Variants in DNAH3 observed in about 807,000 individuals in gnomAD.
DNAH3 encodes dynein axonemal heavy chain 3.
A neutral mutation model predicts 432.5 loss-of-function variants in DNAH3; 332 were observed. That is an observed-to-expected ratio of 0.77 (90% CI 0.70 to 0.84). DNAH3 has a LOEUF of 0.84. Among genes scored for constraint, DNAH3 ranks in the 40% least tolerant of loss-of-function variants. DNAH3 has a pLI of 0.00. For synonymous variants in DNAH3, 1,956 were observed against 1,900.2 expected, an observed-to-expected ratio of 1.03 and a Z score of -0.76; for missense variants, 4,861 against 5,114.0, an observed-to-expected ratio of 0.95 and a Z score of 1.51.
intron 52 of DNAH3, 102 bp downstream of exon 52, chr16:20,969,690 T>C: frequency 7.7e-7 from 1 of 1,304,136 alleles, no homozygotes; most frequent in Non-Finnish European, 1.1e-6. Context: ...CTCAGTGATC[T>C]TGCCTGCACG....
At chr16:20,968,941 C>T (rs1013647708) in intron 52 of DNAH3, among the ~76,000 whole-genome samples, 1 of 152,130 alleles carries the variant, frequency 6.6e-6, no homozygotes, top group African/African-American at 2.4e-5. Context: ...CTGCATCTCT[C>T]TGTCTCCATT....
Position 21,037,964 on chromosome 16 carries a change from C to T in DNAH3, c.4747G>A (p.Val1583Ile), listed in dbSNP as rs16970832. 8.7e-3 allele frequency: 14,109 copies of T among 1,613,950 alleles called. 1,064 individuals are homozygous for T. In the African/African-American group the frequency reaches 0.16, roughly 19 times the overall value. Residue 1583 changes from valine (V) to isoleucine (I), a missense_variant, in exon 34 of 62, where the codon GTT becomes ATT. Coordinates refer to ENST00000261383, the Ensembl canonical transcript of DNAH3. Reference sequence around the variant, plus strand: ...TCCGAGCACAGGCGGTAGGTCGCAACGATCTTCTGGGCGAGACTAGAAGGG... The same window carrying T: ...TCCGAGCACAGGCGGTAGGTCGCAATGATCTTCTGGGCGAGACTAGAAGGG...
rs1424717725 is a variant in DNAH3, at chr16:21,115,982, G to A, written c.1814+1221C>T. Among the ~76,000 whole-genome samples the A allele has an allele frequency of 2.6e-5, 4 of 151,952 alleles. No homozygotes were observed. In the East Asian group the frequency reaches 5.8e-4, roughly 22 times the overall value. On this transcript the variant is annotated intron_variant, in intron 12 of 61. Transcript: ENST00000261383. ...CTGTCACAACCAGGGGATTCCTGCC[G>A]GCATGCATAATTCCTACAAGGATTC...
exon 57 of DNAH3, chr16:20,948,530 G>A (rs1452238394): frequency 6.2e-7 from 1 of 1,613,934 alleles, no homozygotes; most frequent in African/African-American, 1.3e-5. Flanking sequence ...CCAGGAGCGA[G>A]GGAGTAATAG....
chr16:21,144,525 T>C (rs910401542), intron 3 of DNAH3, among the ~76,000 whole-genome samples: 5 of 152,078 alleles, frequency 3.3e-5, no homozygotes, highest in African/African-American at 1.2e-4. Context: ...TATGCCTTGA[T>C]TGTACGCTAG....
At chr16:20,968,109 T>C (rs35493812) in intron 52 of DNAH3, among the ~76,000 whole-genome samples, 15,993 of 152,188 alleles carry the variant, frequency 0.11, 1,092 homozygotes, top group Middle Eastern at 0.15. Flanking sequence ...CACTCTGTCA[T>C]ACAAGCTAAA....
At chr16:21,093,712 T>G (rs2091600835) in intron 18 of DNAH3, among the ~76,000 whole-genome samples, 1 of 152,202 alleles carries the variant, frequency 6.6e-6, no homozygotes, top group Admixed American at 6.5e-5. Context: ...TGATGTGGTA[T>G]CAGTGAAAGG....
intron 29 of DNAH3, among the ~76,000 whole-genome samples, chr16:21,050,692 C>T (rs2089919039): frequency 6.6e-6 from 1 of 152,230 alleles, no homozygotes; most frequent in Admixed American, 6.5e-5. Flanking sequence ...GATCCACCCA[C>T]CTTGGCCTTC....
At chr16:21,039,682 T>C (rs2089338251) in intron 33 of DNAH3, among the ~76,000 whole-genome samples, 170 bp downstream of exon 33, 1 of 152,122 alleles carries the variant, frequency 6.6e-6, no homozygotes, top group Non-Finnish European at 1.5e-5. Flanking sequence ...CCGTCAGAAA[T>C]GGGGCAAGAC....
intron 11 of DNAH3, among the ~76,000 whole-genome samples, chr16:21,117,811 G>C: frequency 6.6e-6 from 1 of 152,148 alleles, no homozygotes; most frequent in Non-Finnish European, 1.5e-5. Flanking sequence ...CTTGGCACTT[G>C]GTAAGTGCTC....
chr16:21,106,334 T>G (rs7205031), intron 15 of DNAH3, among the ~76,000 whole-genome samples, 156 bp downstream of exon 15: 37,142 of 152,034 alleles, frequency 0.24, 4,637 homozygotes, highest in East Asian at 0.31. Flanking sequence ...GCAGCTCTTT[T>G]ATATTTAGTG....
chr16:20,952,014 C>T (rs1346476081), intron 56 of DNAH3, among the ~76,000 whole-genome samples: 1 of 151,036 alleles, frequency 6.6e-6, no homozygotes, highest in African/African-American at 2.4e-5. Flanking sequence ...AAGTGCTGGG[C>T]TTACAGGCGT....
intron 41 of DNAH3, among the ~76,000 whole-genome samples, chr16:21,003,901 C>CA (rs1263811804): frequency 6.6e-6 from 1 of 152,058 alleles, no homozygotes; most frequent in Non-Finnish European, 1.5e-5. Flanking sequence ...TCTAGACACA[C>CA]AAACATACTG....
intron 5 of DNAH3, among the ~76,000 whole-genome samples, chr16:21,136,979 C>T (rs2092651887): frequency 6.6e-6 from 1 of 151,902 alleles, no homozygotes; most frequent in African/African-American, 2.4e-5. Flanking sequence ...CTACAAAATA[C>T]AAAAATTAGC....
At chr16:21,158,485 G>A (rs1340436139) in intron 1 of DNAH3, 1 of 152,398 alleles carries the variant, frequency 6.6e-6, no homozygotes, top group Non-Finnish European at 1.5e-5. Context: ...TTGTTCTAGT[G>A]GCTCCGAAAG....
At chr16:21,134,521 T>G (rs2092615619) in intron 6 of DNAH3, 67 bp from the exon 8 acceptor site, 1 of 1,454,606 alleles carries the variant, frequency 6.9e-7, no homozygotes. Context: ...CTTCAACTCA[T>G]TTAGTTTTGT....
At chr16:21,019,559 G>T (rs1427632854) in intron 41 of DNAH3, 65 bp downstream of exon 41, 1 of 1,576,810 alleles carries the variant, frequency 6.3e-7, no homozygotes, top group African/African-American at 1.4e-5. Context: ...TGCACATTCT[G>T]GTTGTGTTTA....
intron 5 of DNAH3, among the ~76,000 whole-genome samples, chr16:21,138,598 G>A (rs1053070622): frequency 6.6e-6 from 1 of 152,166 alleles, no homozygotes; most frequent in African/African-American, 2.4e-5. Flanking sequence ...ATCATTCAAG[G>A]TCAGGAGTTC....
intron 48 of DNAH3, among the ~76,000 whole-genome samples, chr16:20,984,616 T>A (rs1301251478): frequency 1.3e-5 from 2 of 152,146 alleles, no homozygotes; most frequent in Non-Finnish European, 2.9e-5. Context: ...ATGCCTGTAA[T>A]CCCAGCACTT....
Sources: allele counts gnomAD v4.1 joint callset (sites outside exome capture counted in the v4.1 genomes callset), GRCh38; gene constraint gnomAD v4.1.1; transcripts MANE v1.5; gene names NCBI Gene and HGNC (gene_info 2026-07-23, HGNC 2026-07-21).